The following AMMECR1L variants were observed in gnomAD, a reference collection of about 807,000 sequenced individuals.
AMMECR1L encodes AMMECR1-like protein.
In AMMECR1L, 4 loss-of-function variants were observed where a neutral mutation model predicts 36.8. That is an observed-to-expected ratio of 0.11 (90% CI 0.05 to 0.25). AMMECR1L has a LOEUF of 0.25. AMMECR1L is among the 10% of genes least tolerant of loss of function. AMMECR1L has a pLI of 1.00. For missense variants in AMMECR1L, 232 were observed against 392.1 expected, an observed-to-expected ratio of 0.59 and a Z score of 3.45; for synonymous variants, 147 against 148.0, an observed-to-expected ratio of 0.99 and a Z score of 0.05.
At chr2:127,884,760 G>A (rs1559002869) in intron 1 of AMMECR1L, 1 of 152,286 alleles carries the variant, frequency 6.6e-6, no homozygotes, top group Non-Finnish European at 1.5e-5. Context: ...GCAGGGACCT[G>A]AGGGCAGGCC....
At chr2:127,866,506 G>C (rs1194140566) in intron 7 of AMMECR1L, among the ~76,000 whole-genome samples, 1 of 152,232 alleles carries the variant, frequency 6.6e-6, no homozygotes, top group Non-Finnish European at 1.5e-5. Context: ...TTTTGTAAAA[G>C]CATTTTCTTA....
chr2:127,876,515 G>A (rs1046105950), intron 2 of AMMECR1L, among the ~76,000 whole-genome samples: 1 of 152,072 alleles, frequency 6.6e-6, no homozygotes, highest in African/African-American at 2.4e-5. Context: ...TGACTACACT[G>A]TTTCTGACCA....
chr2:127,877,748 G>C (rs545294896), intron 2 of AMMECR1L, among the ~76,000 whole-genome samples: 1 of 152,268 alleles, frequency 6.6e-6, no homozygotes, highest in South Asian at 2.1e-4. Context: ...TTTAGGGCAG[G>C]ATTAAAAAAT....
intron 1 of AMMECR1L, chr2:127,885,083 A>C: frequency 1.1e-6 from 1 of 878,776 alleles, no homozygotes; most frequent in Non-Finnish European, 1.4e-6. Flanking sequence ...CACAACCCAC[A>C]GCCTGGGAAA....
At chr2:127,883,151 C>G (rs1455573786) in intron 2 of AMMECR1L, among the ~76,000 whole-genome samples, 2 of 149,456 alleles carry the variant, frequency 1.3e-5, no homozygotes, top group Admixed American at 1.3e-4. Flanking sequence ...GGCTGGAGTA[C>G]AGTGGCATGA....
intron 6 of AMMECR1L, among the ~76,000 whole-genome samples, chr2:127,868,766 C>T (rs1028517996): frequency 2.6e-5 from 4 of 151,728 alleles, no homozygotes; most frequent in African/African-American, 9.7e-5. Context: ...CGCTCTGTCA[C>T]CAGGCTGGAG....
intron 2 of AMMECR1L, among the ~76,000 whole-genome samples, chr2:127,876,349 CAAAAAAAAAAA>C (rs11332960): frequency 9.0e-5 from 10 of 111,108 alleles, no homozygotes; most frequent in African/African-American, 3.1e-4. Flanking sequence ...GGCCCTGTCT[CAAAAAAAAAAA>C]AAAAAAAAGG....
intron 3 of AMMECR1L, among the ~76,000 whole-genome samples, chr2:127,872,442 T>C (rs1264480055): frequency 6.6e-6 from 1 of 152,190 alleles, no homozygotes; most frequent in Admixed American, 6.5e-5. Context: ...ACAGATTTTT[T>C]AGCAAGAGGT....
chr2:127,881,744 A>G (rs1194978283), intron 2 of AMMECR1L, among the ~76,000 whole-genome samples: 1 of 152,250 alleles, frequency 6.6e-6, no homozygotes, highest in Non-Finnish European at 1.5e-5. Flanking sequence ...CACAGCTCTG[A>G]GTGCTTACAA....
At chr2:127,867,974 G>A (rs1300623185) in intron 6 of AMMECR1L, among the ~76,000 whole-genome samples, 1 of 152,202 alleles carries the variant, frequency 6.6e-6, no homozygotes, top group Non-Finnish European at 1.5e-5. Flanking sequence ...CCAGGCTCAT[G>A]TGATCCTCCC....
chr2:127,884,308 T>C lies in AMMECR1L; in HGVS notation c.-144A>G, dbSNP rs1166867224. 6.6e-6 allele frequency: 1 copy of C among 151,526 alleles called. No individual in the cohort carries two copies. Among genetic ancestry groups the C allele is most frequent in the Non-Finnish European group, 1.5e-5 (1 of 68,014 alleles). The allele number at this position is 151,526 out of a possible 1,614,324, so 9.4% of individuals were successfully genotyped here. ...TCCTTCCGATTCCATTCCTTCTTCC[T>C]GTACCTAAGACGGAAATGCAGGTGC... is the stretch of plus-strand genomic sequence containing the variant. On this transcript the variant is annotated 5_prime_UTR_variant, in exon 2 of 8. Transcript: ENST00000272647.
At chr2:127,885,066 T>G in intron 1 of AMMECR1L, 2 of 717,098 alleles carry the variant, frequency 2.8e-6, no homozygotes, top group African/African-American at 2.0e-5. Flanking sequence ...GGGCAAGGAG[T>G]GAAGGGCACA....
In AMMECR1L at chr2:127,862,250, T is replaced by C. The variant is rs1473270815; in HGVS notation, c.*2844A>G. Reference sequence around the variant, plus strand: ...GAACTCCGAACCAAGCCAGAGAAATTGGGCTGGTCCTTGAAAACAGTGGTT... The same window carrying C: ...GAACTCCGAACCAAGCCAGAGAAATCGGGCTGGTCCTTGAAAACAGTGGTT... On this transcript the variant is annotated 3_prime_UTR_variant, in exon 8 of 8. Coordinates refer to ENST00000272647, the MANE Select transcript of AMMECR1L (RefSeq NM_001199140.2). 1 of 153,706 alleles carries C rather than the reference T, an allele frequency of 6.5e-6. No individual in the cohort carries two copies. The highest frequency in any genetic ancestry group is 1.9e-4 in the East Asian group (1 of 5,190). The allele number at this position is 153,706 out of a possible 1,614,324, so 9.5% of individuals were successfully genotyped here. A position where few individuals can be genotyped will look rare whatever the true frequency, so the allele number is the denominator to read the frequency against.
In AMMECR1L at chr2:127,871,163, G is replaced by A. The variant is rs1690948590; in HGVS notation, c.518+86C>T. ...GATTACCAAAAAGAGAAAGCTCAAC[G>A]TACATCACTTAGAAGAAATAAAGTC... On this transcript the variant is annotated intron_variant, in intron 4 of 7. Coordinates refer to ENST00000272647, the MANE Select transcript of AMMECR1L (RefSeq NM_001199140.2). The surrounding 1 kb of genome is among the most constrained non-coding windows in gnomAD (Gnocchi z 4.3). The A allele has an allele frequency of 3.5e-6, 5 of 1,416,628 alleles. No homozygotes were observed. The highest frequency in any genetic ancestry group is 2.3e-5 in the East Asian group (1 of 43,002). 87.8% of individuals were successfully genotyped at this position (1,416,628 alleles called of 1,614,324 possible). A position where few individuals can be genotyped will look rare whatever the true frequency, so the allele number is the denominator to read the frequency against.
In AMMECR1L at chr2:127,870,988, G is replaced by A. The variant is rs1157347290; in HGVS notation, c.519-60C>T. On this transcript the variant is annotated intron_variant, in intron 4 of 7. Transcript: ENST00000272647. ...CTGGAGTCAGGAGCCAATATCAGGT[G>A]CCATAGAGCCCACATATTTATGAAT... 5 of 1,260,550 alleles carry A rather than the reference G, an allele frequency of 4.0e-6. No homozygotes were observed. The Admixed American group carries it at 8.8e-5, about 22-fold the overall frequency. The allele number at this position is 1,260,550 out of a possible 1,614,324, so 78.1% of individuals were successfully genotyped here.
chr2:127,872,915 G>C (rs2104758913), intron 3 of AMMECR1L: 2 of 889,232 alleles, frequency 2.2e-6, no homozygotes, highest in Non-Finnish European at 2.7e-6. Context: ...CTTCCCTCCA[G>C]GTTTCCTCTC....
In AMMECR1L at chr2:127,865,092, T is replaced by A; in HGVS notation, c.*2A>T. On this transcript the variant is annotated 3_prime_UTR_variant, in exon 8 of 8. Transcript: ENST00000272647. The surrounding 1 kb of genome is among the most constrained non-coding windows in gnomAD (Gnocchi z 5.4). ...GGGTGGGACTGGTCATGCAGCCGTG[T>A]GTCAGGAGTAATGATTGTAGAGGGG... 1.2e-6 allele frequency: 2 copies of A among 1,611,494 alleles called. No homozygotes were observed. Among genetic ancestry groups the A allele is most frequent in the Non-Finnish European group, 1.7e-6 (2 of 1,178,458 alleles).
In AMMECR1L at chr2:127,874,499, C is replaced by A. The variant is rs557504763; in HGVS notation, c.-38-227G>T. Among the ~76,000 whole-genome samples the A allele has an allele frequency of 5.3e-5, 8 of 152,214 alleles. No individual in the cohort carries two copies. The highest frequency in any genetic ancestry group is 1.4e-4 in the African/African-American group (6 of 41,524). On this transcript the variant is annotated intron_variant, in intron 2 of 7. Transcript: ENST00000272647. This position sits in a 1 kb window ranked among gnomAD's most constrained non-coding sequence, Gnocchi z 5.2. ...TGACTACCATGGATGGAGGCAGGCACCAAGCAGCTCCCTGTTCCCCAAGAG... is the reference window on the plus strand; with the variant it reads ...TGACTACCATGGATGGAGGCAGGCAACAAGCAGCTCCCTGTTCCCCAAGAG...
Position 127,864,546 on chromosome 2 carries a change from C to T in AMMECR1L, c.*548G>A, listed in dbSNP as rs777466258. On this transcript the variant is annotated 3_prime_UTR_variant, in exon 8 of 8. Coordinates refer to ENST00000272647, the MANE Select transcript of AMMECR1L (RefSeq NM_001199140.2). ...AGCCTCAAAGGACTCGTGGTGCCCACGTCCAACCCTAACGTGGCGTCCGCT... is the reference window on the plus strand; with the variant it reads ...AGCCTCAAAGGACTCGTGGTGCCCATGTCCAACCCTAACGTGGCGTCCGCT... 1 of 152,394 alleles carries T rather than the reference C, an allele frequency of 6.6e-6. No individual in the cohort carries two copies. The highest frequency in any genetic ancestry group is 2.4e-5 in the African/African-American group (1 of 41,584). 9.4% of individuals were successfully genotyped at this position (152,394 alleles called of 1,614,324 possible).
Sources: gnomAD v4.1 joint callset for allele counts (sites outside exome capture counted in the v4.1 genomes callset) on GRCh38, gnomAD v4.1.1 for gene constraint, Gnocchi (gnomAD v3.1) non-coding constraint, MANE v1.5 for transcripts, NCBI Gene and HGNC (gene_info 2026-07-23, HGNC 2026-07-21) for gene names.